Variants in GALNTL6 observed in about 807,000 individuals in gnomAD.
The protein encoded by GALNTL6 is polypeptide N-acetylgalactosaminyltransferase-like 6.
In GALNTL6, 46 loss-of-function variants were observed where a neutral mutation model predicts 73.7. The observed-to-expected ratio is 0.62, with a 90% CI of 0.49 to 0.80. The LOEUF is 0.80. Among genes scored for constraint, GALNTL6 ranks in the 30% least tolerant of loss-of-function variants. The probability of loss-of-function intolerance (pLI) is 0.00; values close to 1 mark genes in which losing one functional copy is unlikely to be tolerated. For synonymous variants in GALNTL6, 259 were observed against 263.7 expected (o/e 0.98, Z 0.17); for missense variants, 604 against 755.0 (o/e 0.80, Z 2.34).
In GALNTL6 at chr4:171,942,931, A is replaced by T. The variant is rs1255107056; in HGVS notation, c.138+128213A>T. Among the ~76,000 whole-genome samples, 5 of 152,328 alleles carry T rather than the reference A, an allele frequency of 3.3e-5. No individual in the cohort carries two copies. The East Asian group carries it at 9.7e-4, about 29-fold the overall frequency. ...ATGGCACAGCCCAGCCCTCAAAACC[A>T]ATATTCATGAGTAAGTAACTAAATG... On this transcript the variant is annotated intron_variant, in intron 2 of 12. Transcript: ENST00000506823.
intron 5 of GALNTL6, among the ~76,000 whole-genome samples, chr4:172,427,161 C>A (rs1006313065): frequency 9.2e-5 from 14 of 152,042 alleles, no homozygotes; most frequent in African/African-American, 2.9e-4. Flanking sequence ...AATTAGTCTG[C>A]TTCACGCTGC....
chr4:172,230,907 C>T (rs986966934), intron 3 of GALNTL6, among the ~76,000 whole-genome samples: 1 of 152,152 alleles, frequency 6.6e-6, no homozygotes, highest in African/African-American at 2.4e-5. Flanking sequence ...CAAAATTGTT[C>T]TGGGCTGTGA....
chr4:172,175,341 T>C (rs942543317), intron 2 of GALNTL6, among the ~76,000 whole-genome samples: 5 of 152,076 alleles, frequency 3.3e-5, no homozygotes, highest in Non-Finnish European at 7.4e-5. Flanking sequence ...GCTGTGATTA[T>C]AGGCGTGAGT....
intron 11 of GALNTL6, among the ~76,000 whole-genome samples, chr4:173,021,126 C>T (rs924657085): frequency 6.6e-6 from 1 of 152,038 alleles, no homozygotes; most frequent in Non-Finnish European, 1.5e-5. Flanking sequence ...TCATCCCTCT[C>T]CCCTCTGTCT....
chr4:172,336,526 CGGCCTCCCAAAGTGCTGGGATTACA>C (rs1741333358), intron 4 of GALNTL6, among the ~76,000 whole-genome samples: 1 of 151,368 alleles, frequency 6.6e-6, no homozygotes, highest in Admixed American at 6.6e-5. Context: ...CCGCCCACCT[CGGCCTCCCAAAGTGCTGGGATTACA>C]GACATGAGCC....
chr4:171,880,351 G>A (rs776951464), intron 2 of GALNTL6, among the ~76,000 whole-genome samples: 2 of 152,192 alleles, frequency 1.3e-5, no homozygotes, highest in African/African-American at 2.4e-5. Flanking sequence ...TCATGCATTA[G>A]GCGTGTGAAG....
chr4:172,988,063 C>T (rs910393679), intron 10 of GALNTL6, among the ~76,000 whole-genome samples: 3 of 152,136 alleles, frequency 2.0e-5, no homozygotes, highest in Non-Finnish European at 4.4e-5. Context: ...AGCTTTGGAA[C>T]TGGATAGTGG....
intron 4 of GALNTL6, among the ~76,000 whole-genome samples, chr4:172,335,137 C>A (rs568548852): frequency 6.6e-6 from 1 of 151,920 alleles, no homozygotes; most frequent in East Asian, 1.9e-4. Context: ...TTAGTAGAGA[C>A]GGGTTTCACC....
intron 5 of GALNTL6, among the ~76,000 whole-genome samples, chr4:172,649,784 C>CA (rs1208849726): frequency 6.6e-6 from 1 of 152,076 alleles, no homozygotes; most frequent in African/African-American, 2.4e-5. Context: ...ATTTATTTTA[C>CA]AAAACAGAAG....
intron 5 of GALNTL6, among the ~76,000 whole-genome samples, chr4:172,806,619 A>T (rs934385099): frequency 6.6e-6 from 1 of 152,324 alleles, no homozygotes; most frequent in Non-Finnish European, 1.5e-5. Context: ...CTCCCAAGAG[A>T]GGCCCCTTTA....
At chr4:171,944,380 C>T (rs1738641184) in intron 2 of GALNTL6, among the ~76,000 whole-genome samples, 2 of 151,964 alleles carry the variant, frequency 1.3e-5, no homozygotes, top group South Asian at 4.2e-4. Flanking sequence ...GTGATCTACG[C>T]CACAGCTTCA....
intron 5 of GALNTL6, among the ~76,000 whole-genome samples, chr4:172,453,734 A>G (rs1248431535): frequency 6.6e-6 from 1 of 152,226 alleles, no homozygotes; most frequent in African/African-American, 2.4e-5. Context: ...GGACTTAATA[A>G]AATGTTTTAT....
chr4:172,546,657 C>T (rs896955823), intron 5 of GALNTL6, among the ~76,000 whole-genome samples: 3 of 150,842 alleles, frequency 2.0e-5, no homozygotes, highest in African/African-American at 7.3e-5. Flanking sequence ...TTCCTTTACA[C>T]ATGCCACTTC....
At chr4:172,160,860 T>C (rs1470108920) in intron 2 of GALNTL6, among the ~76,000 whole-genome samples, 2 of 151,510 alleles carry the variant, frequency 1.3e-5, no homozygotes, top group Non-Finnish European at 2.9e-5. Flanking sequence ...TTAGAGCTTG[T>C]TCAAAGTATT....
At chr4:172,050,195 C>T (rs1487497233) in intron 2 of GALNTL6, among the ~76,000 whole-genome samples, 1 of 152,066 alleles carries the variant, frequency 6.6e-6, no homozygotes, top group African/African-American at 2.4e-5. Context: ...GCTCACCGGG[C>T]CAAGGTTTGC....
In GALNTL6 at chr4:172,431,706, T is replaced by C. The variant is rs118050031; in HGVS notation, c.553+83017T>C. 4.0e-3 allele frequency among the ~76,000 whole-genome samples: 615 copies of C among 152,232 alleles called. 4 individuals are homozygous for C. The highest frequency in any genetic ancestry group is 0.031 in the East Asian group (159 of 5,186). ...AGATTTCATAACATAATTTAAAATTTGTAGTATCAATACAAACATATGCTC... is the reference window on the plus strand; with the variant it reads ...AGATTTCATAACATAATTTAAAATTCGTAGTATCAATACAAACATATGCTC... On this transcript the variant is annotated intron_variant, in intron 5 of 12. Coordinates refer to ENST00000506823, the MANE Select transcript of GALNTL6 (RefSeq NM_001034845.3).
intron 5 of GALNTL6, among the ~76,000 whole-genome samples, chr4:172,427,654 A>G (rs337017): frequency 0.87 from 132,273 of 152,110 alleles, 57,559 homozygotes; most frequent in South Asian, 0.89. Context: ...ATAAATAGGG[A>G]CCAACAGCCT....
At chr4:173,029,713 C>T in intron 12 of GALNTL6, among the ~76,000 whole-genome samples, 1 of 152,178 alleles carries the variant, frequency 6.6e-6, no homozygotes, top group East Asian at 1.9e-4. Context: ...GCTAAACAGA[C>T]ATATCTCTCC....
At chr4:172,866,929 A>G (rs1744694420) in intron 7 of GALNTL6, among the ~76,000 whole-genome samples, 1 of 152,218 alleles carries the variant, frequency 6.6e-6, no homozygotes, top group South Asian at 2.1e-4. Flanking sequence ...AAATGAGAAT[A>G]AATTGATGTC....
Sources: gnomAD v4.1 joint callset for allele counts (sites outside exome capture counted in the v4.1 genomes callset) on GRCh38, gnomAD v4.1.1 for gene constraint, MANE v1.5 for transcripts, NCBI Gene and HGNC (gene_info 2026-07-23, HGNC 2026-07-21) for gene names.